Variants in RBFOX3 observed in about 807,000 individuals in gnomAD.
RBFOX3 encodes the protein RNA binding fox-1 homolog 3.
In RBFOX3, 17 loss-of-function variants were observed where a neutral mutation model predicts 48.7. The ratio of observed to expected loss-of-function variants is 0.35; its 90% CI spans 0.24 to 0.52. RBFOX3 has a LOEUF of 0.52. Among genes scored for constraint, RBFOX3 ranks in the 20% least tolerant of loss-of-function variants. The probability of loss-of-function intolerance (pLI) is 0.94; values close to 1 mark genes in which losing one functional copy is unlikely to be tolerated. For missense variants in RBFOX3, 382 were observed against 497.5 expected (o/e 0.77, Z 2.21); for synonymous variants, 212 against 209.5 (o/e 1.01, Z -0.10).
chr17:79,304,599 CTT>C (rs975509960), intron 3 of RBFOX3, among the ~76,000 whole-genome samples: 11 of 151,754 alleles, frequency 7.2e-5, no homozygotes, highest in African/African-American at 2.7e-4. Context: ...CTTCGTTTTT[CTT>C]GTCTGTATTT....
intron 3 of RBFOX3, among the ~76,000 whole-genome samples, chr17:79,276,615 T>C (rs764539637): frequency 6.6e-6 from 1 of 151,498 alleles, no homozygotes; most frequent in Non-Finnish European, 1.5e-5. Context: ...AACCCAGGAG[T>C]GAGAGGTTGC....
intron 8 of RBFOX3, among the ~76,000 whole-genome samples, chr17:79,102,727 G>A (rs1160150637): frequency 6.6e-6 from 1 of 152,192 alleles, no homozygotes. Context: ...GGGCCAAGGT[G>A]GGGGCAAACT....
intron 2 of RBFOX3, among the ~76,000 whole-genome samples, chr17:79,324,510 T>G (rs2124604): frequency 0.38 from 58,506 of 152,034 alleles, 12,346 homozygotes; most frequent in East Asian, 0.48. Flanking sequence ...ATGGAGGGCA[T>G]GTAGCTTATC....
chr17:79,551,847 C>T (rs1032093661), intron 1 of RBFOX3, among the ~76,000 whole-genome samples: 17 of 152,312 alleles, frequency 1.1e-4, no homozygotes, highest in South Asian at 1.0e-3. Context: ...GCCAACACTA[C>T]GCTTCATGTA....
chr17:79,268,806 C>A (rs2067186513), intron 3 of RBFOX3, among the ~76,000 whole-genome samples: 1 of 152,202 alleles, frequency 6.6e-6, no homozygotes, highest in African/African-American at 2.4e-5. Flanking sequence ...TGCCTGCCAC[C>A]CTCTTTCCTC....
Position 79,476,546 on chromosome 17 carries a change from C to T in RBFOX3, c.-175+5908G>A, listed in dbSNP as rs2077785753. ...ACAAAGAGTTCTTGGAGGCAAACCC[C>T]ACGCCAGTCAGTTCAGGGCGTGTGA... is the stretch of plus-strand genomic sequence containing the variant. On this transcript the variant is annotated intron_variant, in intron 2 of 14. Coordinates refer to ENST00000693108, the MANE Select transcript of RBFOX3 (RefSeq NM_001350451.2). Among the ~76,000 whole-genome samples, 3 of 152,190 alleles carry T rather than the reference C, an allele frequency of 2.0e-5. No individual in the cohort carries two copies. In the South Asian group the frequency reaches 6.2e-4, roughly 32 times the overall value.
intron 1 of RBFOX3, among the ~76,000 whole-genome samples, chr17:79,523,752 A>G (rs2086435725): frequency 6.6e-6 from 1 of 152,220 alleles, no homozygotes; most frequent in Non-Finnish European, 1.5e-5. Flanking sequence ...ATGGGCAAAC[A>G]CAAATTAAAC....
chr17:79,579,475 C>T (rs1599206351), intron 1 of RBFOX3, among the ~76,000 whole-genome samples: 1 of 152,188 alleles, frequency 6.6e-6, no homozygotes, highest in Admixed American at 6.5e-5. Flanking sequence ...CTCCACAAAA[C>T]GTGGCCCTGG....
the RBFOX3 span, among the ~76,000 whole-genome samples, chr17:79,649,926 G>A: frequency 1.3e-5 from 2 of 152,026 alleles, no homozygotes; most frequent in Non-Finnish European, 2.9e-5. Context: ...TAAACAATCA[G>A]ATCTCACAGT....
At chr17:79,131,175 C>T (rs533675663) in intron 4 of RBFOX3, among the ~76,000 whole-genome samples, 3 of 151,686 alleles carry the variant, frequency 2.0e-5, no homozygotes, top group Admixed American at 6.6e-5. Flanking sequence ...CCATGTGCTG[C>T]GTGTGCTGTA....
intron 3 of RBFOX3, among the ~76,000 whole-genome samples, chr17:79,237,695 A>AGCT (rs1162986342): frequency 6.6e-6 from 1 of 152,230 alleles, no homozygotes; most frequent in Non-Finnish European, 1.5e-5. Context: ...GCCAAGGAGC[A>AGCT]GCTGAACTTG....
chr17:79,226,676 C>A (rs550529615), intron 4 of RBFOX3, among the ~76,000 whole-genome samples: 1 of 152,188 alleles, frequency 6.6e-6, no homozygotes, highest in Non-Finnish European at 1.5e-5. Context: ...CCTTTCTGAG[C>A]CTCTGTTCCC....
chr17:79,614,940 A>C (rs1423018861), upstream of RBFOX3, among the ~76,000 whole-genome samples: 17 of 152,314 alleles, frequency 1.1e-4, no homozygotes, highest in South Asian at 2.1e-4. Flanking sequence ...GAGGAGGAGG[A>C]GAAGAAAGGA....
chr17:79,502,258 C>T (rs2149743031), intron 1 of RBFOX3, among the ~76,000 whole-genome samples: 1 of 152,142 alleles, frequency 6.6e-6, no homozygotes, highest in Admixed American at 6.5e-5. Context: ...TGAAATAAGC[C>T]AGACACAAAA....
chr17:79,219,141 G>A (rs1388800695), intron 4 of RBFOX3, among the ~76,000 whole-genome samples: 2 of 152,204 alleles, frequency 1.3e-5, no homozygotes, highest in African/African-American at 4.8e-5. Context: ...GGGCTGGACT[G>A]TGGCCCTGGA....
intron 1 of RBFOX3, among the ~76,000 whole-genome samples, chr17:79,507,752 TAATGA>T (rs2083379404): frequency 6.6e-6 from 1 of 152,168 alleles, no homozygotes; most frequent in Non-Finnish European, 1.5e-5. Flanking sequence ...GAGACTTCTC[TAATGA>T]CCACCCCAAA....
chr17:79,453,394 G>A lies in RBFOX3; in HGVS notation c.-175+29060C>T, dbSNP rs112667811. 5.1e-3 allele frequency among the ~76,000 whole-genome samples: 775 copies of A among 152,280 alleles called. 10 individuals carry two copies. The highest frequency in any genetic ancestry group is 0.017 in the African/African-American group (724 of 41,550). ...GTGGGGCCCCTCTCTTCCTCCTGGC[G>A]GCAGATGGGGAGGCTGGCCCTGAGT... On this transcript the variant is annotated intron_variant, in intron 2 of 14. Transcript: ENST00000693108.
At chr17:79,485,172 C>T (rs2079380890) in intron 1 of RBFOX3, among the ~76,000 whole-genome samples, 1 of 152,130 alleles carries the variant, frequency 6.6e-6, no homozygotes, top group Non-Finnish European at 1.5e-5. Context: ...GGGCTCTCAC[C>T]CTTCCTGACT....
At chr17:79,247,591 A>C (rs2063352262) in intron 3 of RBFOX3, among the ~76,000 whole-genome samples, 1 of 152,096 alleles carries the variant, frequency 6.6e-6, no homozygotes, top group Non-Finnish European at 1.5e-5. Flanking sequence ...GGATTACAGG[A>C]GTGAGCCACC....
Sources: gnomAD v4.1 joint callset for allele counts (sites outside exome capture counted in the v4.1 genomes callset) on GRCh38, gnomAD v4.1.1 for gene constraint, MANE v1.5 for transcripts, NCBI Gene and HGNC (gene_info 2026-07-23, HGNC 2026-07-21) for gene names.